CELF4: variants seen among roughly 807,000 people sequenced by gnomAD.
CELF4 encodes CUG-BP- and ETR-3-like factor 4.
Under a neutral mutation model 59.9 loss-of-function variants are expected in CELF4, and 18 were observed. The observed-to-expected ratio is 0.30, with a 90% CI of 0.21 to 0.45. The LOEUF (loss-of-function observed/expected upper bound fraction) is 0.45, where lower values mean the gene tolerates loss of function less well. CELF4 is among the 20% of genes least tolerant of loss of function. The probability of loss-of-function intolerance (pLI) is 1.00; values close to 1 mark genes in which losing one functional copy is unlikely to be tolerated. For synonymous variants in CELF4, 261 were observed against 267.1 expected (o/e 0.98, Z 0.22); for missense variants, 456 against 689.0 (o/e 0.66, Z 3.79).
At chr18:37,298,879 T>C (rs2095836860) in intron 3 of CELF4, among the ~76,000 whole-genome samples, 1 of 152,200 alleles carries the variant, frequency 6.6e-6, no homozygotes, top group African/African-American at 2.4e-5. Context: ...GCTGTAGTCA[T>C]GGCTTTCCTT....
At chr18:37,374,641 C>T (rs544854868) in intron 2 of CELF4, among the ~76,000 whole-genome samples, 4 of 152,168 alleles carry the variant, frequency 2.6e-5, no homozygotes, top group Admixed American at 6.5e-5. Flanking sequence ...CTCTGGAAGA[C>T]GTGGGGGCAT....
chr18:37,248,394 T>G (rs1032147018), intron 12 of CELF4, among the ~76,000 whole-genome samples: 3 of 152,132 alleles, frequency 2.0e-5, no homozygotes, highest in Non-Finnish European at 4.4e-5. Context: ...CCTTCGAAGG[T>G]TCTGCAGCCC....
chr18:37,365,733 G>A (rs1055964081), intron 2 of CELF4, among the ~76,000 whole-genome samples: 3 of 152,146 alleles, frequency 2.0e-5, no homozygotes, highest in South Asian at 2.1e-4. Context: ...TGATCCGCCC[G>A]CCTTGGCCTC....
At chr18:37,288,402 A>G (rs963623949) in intron 3 of CELF4, among the ~76,000 whole-genome samples, 1 of 152,232 alleles carries the variant, frequency 6.6e-6, no homozygotes, top group Admixed American at 6.5e-5. Flanking sequence ...CCATGCCCTC[A>G]GAGAGGATGA....
chr18:37,470,452 C>T (rs2099818231), intron 2 of CELF4, among the ~76,000 whole-genome samples: 1 of 152,154 alleles, frequency 6.6e-6, no homozygotes, highest in Non-Finnish European at 1.5e-5. Flanking sequence ...GTGTCCTCCC[C>T]AGGTCTTCTG....
At chr18:37,413,126 G>C (rs1441099980) in intron 2 of CELF4, among the ~76,000 whole-genome samples, 2 of 152,158 alleles carry the variant, frequency 1.3e-5, no homozygotes, top group Non-Finnish European at 2.9e-5. Flanking sequence ...GGAAATTCAT[G>C]TTTAAATTTA....
chr18:37,522,374 G>A (rs1460239752), intron 1 of CELF4, among the ~76,000 whole-genome samples: 1 of 152,214 alleles, frequency 6.6e-6, no homozygotes, highest in South Asian at 2.1e-4. Context: ...CCTGCGGCCC[G>A]GCCCCCAGCC....
chr18:37,330,813 C>T (rs1382123236), intron 2 of CELF4, among the ~76,000 whole-genome samples: 1 of 152,136 alleles, frequency 6.6e-6, no homozygotes, highest in Non-Finnish European at 1.5e-5. Flanking sequence ...TGTTTCCAGC[C>T]CAGAGAGAAA....
In CELF4 at chr18:37,275,200, G is replaced by T. The variant is rs1234920524; in HGVS notation, c.492C>A (p.Ser164=). ...LFVGMLNKQQ[S]EDDVRRLFEA... Reference sequence around the variant, plus strand: ...CGAAAAGGCGGCGCACGTCGTCCTCGGACTGTTGCTTGTTGAGCATGCCCA... The same window carrying T: ...CGAAAAGGCGGCGCACGTCGTCCTCTGACTGTTGCTTGTTGAGCATGCCCA... The change falls in exon 4 of 13, where the codon TCC becomes TCA. Residue 164 remains serine, a synonymous_variant. Coordinates refer to ENST00000420428, the MANE Select transcript of CELF4 (RefSeq NM_020180.4). 1.2e-6 allele frequency: 2 copies of T among 1,613,510 alleles called. No individual in the cohort carries two copies. The highest frequency in any genetic ancestry group is 1.3e-5 in the African/African-American group (1 of 74,864).
chr18:37,523,243 T>C (rs1395684395), intron 1 of CELF4, among the ~76,000 whole-genome samples: 1 of 152,184 alleles, frequency 6.6e-6, no homozygotes, highest in African/African-American at 2.4e-5. Flanking sequence ...GCTCGTTTGT[T>C]GGGCATTTCT....
chr18:37,557,997 C>CTTT (rs34181233), intron 1 of CELF4, among the ~76,000 whole-genome samples: 5,607 of 100,580 alleles, frequency 0.056, 339 homozygotes, highest in African/African-American at 0.09. Flanking sequence ...ATCCCTTTTA[C>CTTT]TTTTTTTTTT....
chr18:37,524,156 G>C (rs893018230), intron 1 of CELF4, among the ~76,000 whole-genome samples: 9 of 152,170 alleles, frequency 5.9e-5, no homozygotes, highest in South Asian at 2.1e-4. Context: ...TCTTCTCCCC[G>C]CCTTGAATGA....
chr18:37,536,514 G>A (rs1401861032), intron 1 of CELF4, among the ~76,000 whole-genome samples: 1 of 152,236 alleles, frequency 6.6e-6, no homozygotes, highest in Non-Finnish European at 1.5e-5. Flanking sequence ...CAGGGCACCT[G>A]TGTGCTGCTC....
At chr18:37,371,912 G>C (rs1003357215) in intron 2 of CELF4, among the ~76,000 whole-genome samples, 1 of 152,212 alleles carries the variant, frequency 6.6e-6, no homozygotes, top group Non-Finnish European at 1.5e-5. Flanking sequence ...GCAGCTCTGA[G>C]TACACTCTTC....
chr18:37,499,090 C>T (rs182216170), intron 1 of CELF4, among the ~76,000 whole-genome samples: 5 of 152,274 alleles, frequency 3.3e-5, no homozygotes, highest in African/African-American at 1.2e-4. Flanking sequence ...TGGTTATAAC[C>T]ACACTCATAC....
chr18:37,525,649 C>A (rs1250223801), intron 1 of CELF4, among the ~76,000 whole-genome samples: 1 of 152,062 alleles, frequency 6.6e-6, no homozygotes, highest in Non-Finnish European at 1.5e-5. Flanking sequence ...GTTAGGGTTC[C>A]TTGGTGACTG....
chr18:37,509,972 GA>G (rs1364535541), intron 1 of CELF4, among the ~76,000 whole-genome samples: 3 of 152,280 alleles, frequency 2.0e-5, no homozygotes, highest in African/African-American at 7.2e-5. Flanking sequence ...CATGGAGATA[GA>G]AAGAAGATTA....
intron 3 of CELF4, among the ~76,000 whole-genome samples, chr18:37,299,415 G>A (rs2095860908): frequency 6.6e-6 from 1 of 152,186 alleles, no homozygotes; most frequent in Admixed American, 6.5e-5. Context: ...GATGCTCCTG[G>A]GAGTGAGGGT....
chr18:37,444,248 A>G (rs1432550764), intron 2 of CELF4, among the ~76,000 whole-genome samples: 1 of 152,082 alleles, frequency 6.6e-6, no homozygotes, highest in Non-Finnish European at 1.5e-5. Flanking sequence ...AGGCACCTGT[A>G]TAGACCCCCT....
Sources: gnomAD v4.1 joint callset for allele counts (sites outside exome capture counted in the v4.1 genomes callset) on GRCh38, gnomAD v4.1.1 for gene constraint, MANE v1.5 for transcripts, NCBI Gene and HGNC (gene_info 2026-07-23, HGNC 2026-07-21) for gene names.